Variants in ABL2 observed in about 807,000 individuals in gnomAD.
ABL2 encodes the protein ABL proto-oncogene 2, non-receptor tyrosine kinase, also known as tyrosine-protein kinase ABL2.
Under a neutral mutation model 107.7 loss-of-function variants are expected in ABL2, and 49 were observed. The observed-to-expected ratio is 0.45, with a 90% CI of 0.36 to 0.58. The LOEUF (loss-of-function observed/expected upper bound fraction) is 0.58. ABL2 is among the 20% of genes least tolerant of loss of function. The probability of loss-of-function intolerance (pLI) is 0.00; values close to 1 mark genes in which losing one functional copy is unlikely to be tolerated. For synonymous variants in ABL2, 549 were observed against 548.6 expected, an observed-to-expected ratio of 1.00 and a Z score of -0.01; for missense variants, 1,245 against 1,457.0, an observed-to-expected ratio of 0.85 and a Z score of 2.37.
At position 179,120,290 on chromosome 1, in the gene ABL2, G is replaced by A; in HGVS notation, c.961-16C>T. Reference sequence around the variant, plus strand: ...TGGTATCTTCCTAGAAAAAGGGAAAGGTAAGAAAGAAGAAAACGAGAGGGA... The same window carrying A: ...TGGTATCTTCCTAGAAAAAGGGAAAAGTAAGAAAGAAGAAAACGAGAGGGA... On this transcript the variant is annotated splice_polypyrimidine_tract_variant and intron_variant, in intron 5 of 11. Coordinates refer to ENST00000502732, the MANE Select transcript of ABL2 (RefSeq NM_007314.4). 2 of 1,562,530 alleles carry A rather than the reference G, an allele frequency of 1.3e-6. No individual in the cohort carries two copies. Among genetic ancestry groups the A allele is most frequent in the Admixed American group, 1.8e-5 (1 of 57,120 alleles).
chr1:179,134,473 G>A (rs957959065), intron 1 of ABL2, among the ~76,000 whole-genome samples: 65 of 152,252 alleles, frequency 4.3e-4, no homozygotes, highest in African/African-American at 1.3e-3. Context: ...CCGGGATGGC[G>A]TTTGCCTTCC....
At chr1:179,205,881 G>A (rs1390714073) in intron 1 of ABL2, among the ~76,000 whole-genome samples, 1 of 152,110 alleles carries the variant, frequency 6.6e-6, no homozygotes, top group African/African-American at 2.4e-5. Flanking sequence ...GCCAATAACA[G>A]CAAAAAAATA....
chr1:179,201,885 T>C, intron 1 of ABL2: 1 of 1,321,042 alleles, frequency 7.6e-7, no homozygotes, highest in African/African-American at 1.5e-5. Flanking sequence ...CTACAACACC[T>C]CCATTGAGGA....
intron 1 of ABL2, among the ~76,000 whole-genome samples, chr1:179,174,820 G>A (rs1659939392): frequency 6.7e-6 from 1 of 149,044 alleles, no homozygotes. Flanking sequence ...ACTTGAACCT[G>A]GGAGGTGGAG....
At chr1:179,109,534 T>C (rs1196740389) in intron 11 of ABL2, 93 bp from the exon 12 acceptor site, 1 of 1,506,006 alleles carries the variant, frequency 6.6e-7, no homozygotes, top group East Asian at 2.3e-5. Flanking sequence ...TTTGTCAGCA[T>C]TTATCAAAGG....
chr1:179,229,381 C>A lies in ABL2; in HGVS notation c.17G>T (p.Gly6Val). ...GAGCCCCGGAGCTTCCCCGACGCGGCCCACCTGCTGCCCCATCCCTGCTCT... is the reference window on the plus strand; with the variant it reads ...GAGCCCCGGAGCTTCCCCGACGCGGACCACCTGCTGCCCCATCCCTGCTCT... MGQQV[G>V]RVGEAPGLQQ... The change falls in exon 1 of 12, where the codon GGC becomes GTC. Residue 6 changes from glycine (G) to valine (V), a missense_variant. Around this residue, in one of 3 missense-constraint regions of ABL2, gnomAD observed 164 missense variants for 143.7 expected, o/e 1.14. Transcript: ENST00000502732. 1 of 1,557,936 alleles carries A rather than the reference C, an allele frequency of 6.4e-7. No individual in the cohort carries two copies. The highest frequency in any genetic ancestry group is 8.6e-7 in the Non-Finnish European group (1 of 1,158,508).
At chr1:179,220,968 T>C (rs1183570889) in intron 1 of ABL2, 1 of 195,052 alleles carries the variant, frequency 5.1e-6, no homozygotes, top group Non-Finnish European at 1.1e-5. Flanking sequence ...TGTGACAGAA[T>C]ATGTAGACTG....
At chr1:179,150,532 T>TA (rs1658296397) in intron 1 of ABL2, among the ~76,000 whole-genome samples, 1 of 152,196 alleles carries the variant, frequency 6.6e-6, no homozygotes, top group Non-Finnish European at 1.5e-5. Flanking sequence ...TGTGACTGAA[T>TA]TGTTGCAATC....
At position 179,117,372 on chromosome 1, in the gene ABL2, A is replaced by T. The variant is rs1444751225; in HGVS notation, c.1368T>A (p.Ser456Arg). 2 of 1,613,936 alleles carry T rather than the reference A, an allele frequency of 1.2e-6. No individual in the cohort carries two copies. Among genetic ancestry groups the T allele is most frequent in the Non-Finnish European group, 1.7e-6 (2 of 1,180,010 alleles). The change falls in exon 8 of 12, where the codon AGT (serine) becomes AGA (arginine). Residue 456 changes from serine (S) to arginine (R), a missense_variant. Around this residue, in one of 3 missense-constraint regions of ABL2, gnomAD observed 320 missense variants for 547.0 expected, o/e 0.59. Transcript: ENST00000502732. ...TAATTGAGAAGGTATTGTAGGCAAG[A>T]CTCTCTGGTGCTGTCCACTTAATAG... ...KFPIKWTAPE[S>R]LAYNTFSIKS...
At chr1:179,163,229 C>A (rs1659170973) in intron 1 of ABL2, among the ~76,000 whole-genome samples, 1 of 152,186 alleles carries the variant, frequency 6.6e-6, no homozygotes, top group Non-Finnish European at 1.5e-5. Context: ...ATACTGACAT[C>A]AAGTGCTGAC....
At position 179,108,639 on chromosome 1, in the gene ABL2, A is replaced by T. The variant is rs1418383233; in HGVS notation, c.2628T>A (p.Pro876=). Residue 876 remains proline, a synonymous_variant, in exon 12 of 12, where the codon CCT becomes CCA. Transcript: ENST00000502732. ...CCACTCCAGCCACTCCCACCCCTGG[A>T]GGGTCCTTCTCTGTAATGGCTAGAT... is the stretch of plus-strand genomic sequence containing the variant. ...SGDLAITEKD[P]PGVGVAGVAA... 1 of 1,614,154 alleles carries T rather than the reference A, an allele frequency of 6.2e-7. No individual in the cohort carries two copies. Among genetic ancestry groups the T allele is most frequent in the Non-Finnish European group, 8.5e-7 (1 of 1,180,022 alleles).
At chr1:179,184,596 G>T in intron 1 of ABL2, 1 of 550,432 alleles carries the variant, frequency 1.8e-6, no homozygotes, top group Non-Finnish European at 3.3e-6. Context: ...AGGAGGAAGA[G>T]GAAGGATTAG....
chr1:179,128,803 C>T (rs1416821040), intron 3 of ABL2, among the ~76,000 whole-genome samples: 1 of 152,148 alleles, frequency 6.6e-6, no homozygotes, highest in Non-Finnish European at 1.5e-5. Flanking sequence ...CAGACCTCAG[C>T]CCCCCAAGTA....
chr1:179,107,419 T>C lies in ABL2; in HGVS notation c.*299A>G, dbSNP rs193109177. ...GCCTAGCACTTCCCAGCATTCCAGG[T>C]AGGGATGGGCTGCATTGCCTTCCTT... On this transcript the variant is annotated 3_prime_UTR_variant, in exon 12 of 12. Coordinates refer to ENST00000502732, the MANE Select transcript of ABL2 (RefSeq NM_007314.4). The C allele has an allele frequency of 1.1e-3, 422 of 372,532 alleles. 3 individuals carry two copies. The highest frequency in any genetic ancestry group is 4.5e-4 in the Admixed American group (10 of 22,464). 23.1% of individuals were successfully genotyped at this position (372,532 alleles called of 1,614,324 possible).
chr1:179,229,170 G>GGCCCCCCCCCCCCCCCCCCCCC, intron 1 of ABL2, 71 bp downstream of exon 1: 1 of 266,256 alleles, frequency 3.8e-6, no homozygotes, highest in Non-Finnish European at 6.8e-6. Flanking sequence ...CAGCCCGTCC[G>GGCCCCCCCCCCCCCCCCCCCCC]CCACCCACCC....
At chr1:179,119,038 G>A (rs1332507948) in intron 6 of ABL2, among the ~76,000 whole-genome samples, 1 of 152,070 alleles carries the variant, frequency 6.6e-6, no homozygotes, top group Admixed American at 6.6e-5. Flanking sequence ...AATTCTATAA[G>A]GGGCCAAGAA....
intron 1 of ABL2, among the ~76,000 whole-genome samples, chr1:179,161,109 A>G (rs1179717770): frequency 5.3e-5 from 8 of 152,188 alleles, no homozygotes; most frequent in Non-Finnish European, 1.0e-4. Flanking sequence ...CTTCCTATAC[A>G]AATAGGGATA....
chr1:179,164,128 G>A (rs528719960), intron 1 of ABL2, among the ~76,000 whole-genome samples: 4 of 152,008 alleles, frequency 2.6e-5, no homozygotes, highest in East Asian at 1.9e-4. Context: ...GGGGTTATGC[G>A]AATTTACATG....
intron 1 of ABL2, among the ~76,000 whole-genome samples, chr1:179,226,623 TA>T: frequency 6.6e-6 from 1 of 152,148 alleles, no homozygotes; most frequent in Non-Finnish European, 1.5e-5. Flanking sequence ...CTCCTGTTTT[TA>T]ATAATAACAG....
Sources: allele counts gnomAD v4.1 joint callset (sites outside exome capture counted in the v4.1 genomes callset), GRCh38; gene constraint gnomAD v4.1.1; regional missense constraint gnomAD v4.1.1; transcripts MANE v1.5; gene names NCBI Gene and HGNC (gene_info 2026-07-23, HGNC 2026-07-21).